The following KMT5B variants were observed in gnomAD, a reference collection of about 807,000 sequenced individuals.
KMT5B encodes histone-lysine N-methyltransferase KMT5B.
A neutral mutation model predicts 83.2 loss-of-function variants in KMT5B; 10 were observed. That is an observed-to-expected ratio of 0.12 (90% confidence interval 0.07 to 0.20). The LOEUF (loss-of-function observed/expected upper bound fraction) is 0.20, where lower values mean the gene tolerates loss of function less well. KMT5B is among the 10% of genes least tolerant of loss of function. KMT5B has a pLI of 1.00. For missense variants in KMT5B, 753 were observed against 1,067.2 expected, an observed-to-expected ratio of 0.71 and a Z score of 4.10; for synonymous variants, 349 against 388.8, an observed-to-expected ratio of 0.90 and a Z score of 1.20.
At chr11:68,176,556 C>A (rs574236975) in intron 4 of KMT5B, 1 of 152,032 alleles carries the variant, frequency 6.6e-6, no homozygotes, top group Admixed American at 6.5e-5. Flanking sequence ...GAGGTCGAGG[C>A]GGATGGATCA....
Position 68,166,716 on chromosome 11 carries a change from T to C in KMT5B, c.1174+266A>G, listed in dbSNP as rs937943645. On this transcript the variant is annotated intron_variant, in intron 10 of 10. Coordinates refer to ENST00000304363, the MANE Select transcript of KMT5B (RefSeq NM_017635.5). Reference sequence around the variant, plus strand: ...CCTTGAAAATGTTTAAAACATATGATGACCTTGGAACATATGATGAAGAAC... The same window carrying C: ...CCTTGAAAATGTTTAAAACATATGACGACCTTGGAACATATGATGAAGAAC... 7.0e-6 allele frequency: 9 copies of C among 1,286,778 alleles called. No individual in the cohort carries two copies. In the African/African-American group the frequency reaches 7.4e-5, roughly 11 times the overall value. 79.7% of individuals were successfully genotyped at this position (1,286,778 alleles called of 1,614,324 possible).
At position 68,158,167 on chromosome 11, in the gene KMT5B, T is replaced by A; in HGVS notation, c.2179A>T (p.Ser727Cys). The A allele has an allele frequency of 1.2e-6, 2 of 1,614,208 alleles. No individual in the cohort carries two copies. The highest frequency in any genetic ancestry group is 8.5e-7 in the Non-Finnish European group (1 of 1,180,046). ...TTCTCTTGGTCATTTGTTTTGCTGCTGCTATCATGACGCCTACGAAGAGTC... is the reference window on the plus strand; with the variant it reads ...TTCTCTTGGTCATTTGTTTTGCTGCAGCTATCATGACGCCTACGAAGAGTC... ...KLTLRRRHDS[S>C]SKTNDQENDG... The change falls in exon 11 of 11, where the codon AGC (serine) becomes TGC (cysteine). Residue 727 changes from serine (S) to cysteine (C), a missense_variant. Physicochemically the swap from Ser to Cys is moderately radical, Grantham distance 112 (BLOSUM62 -1). Coordinates refer to ENST00000304363, the MANE Select transcript of KMT5B (RefSeq NM_017635.5).
intron 1 of KMT5B, among the ~76,000 whole-genome samples, chr11:68,198,349 A>C (rs1466103163): frequency 6.6e-6 from 1 of 152,088 alleles, no homozygotes; most frequent in African/African-American, 2.4e-5. Flanking sequence ...GTGCCACTGC[A>C]CTCCATCCAG....
chr11:68,192,694 G>C (rs1858227462), intron 1 of KMT5B, among the ~76,000 whole-genome samples: 1 of 152,202 alleles, frequency 6.6e-6, no homozygotes, highest in African/African-American at 2.4e-5. Context: ...CCTAACTGTT[G>C]TGCTGGCTAC....
At chr11:68,181,081 T>C (rs1276580274) in intron 3 of KMT5B, among the ~76,000 whole-genome samples, 2 of 151,538 alleles carry the variant, frequency 1.3e-5, no homozygotes, top group Admixed American at 6.6e-5. Flanking sequence ...TTTTCTTTTT[T>C]TTTTTTTTTT....
chr11:68,183,210 TAACTC>T (rs1302787866), intron 3 of KMT5B, among the ~76,000 whole-genome samples: 1 of 143,820 alleles, frequency 7.0e-6, no homozygotes, highest in African/African-American at 2.6e-5. Context: ...TCACATTTCT[TAACTC>T]AAAAAAAAAA....
chr11:68,181,232 G>A (rs2153062653), intron 3 of KMT5B, among the ~76,000 whole-genome samples: 1 of 152,072 alleles, frequency 6.6e-6, no homozygotes, highest in African/African-American at 2.4e-5. Flanking sequence ...GCACCACCAT[G>A]CCTGGCTAAT....
In KMT5B at chr11:68,162,384, C is replaced by CT. The variant is rs576929689; in HGVS notation, c.1175-3214dup. ...GAAAAGCTTTGACTCAAACTCCCCT[C>CT]TGTCTATAGAGCTGTCTGAAAGGCC... On this transcript the variant is annotated intron_variant, in intron 10 of 10. Transcript: ENST00000304363. 3.1e-4 allele frequency among the ~76,000 whole-genome samples: 47 copies of CT among 152,324 alleles called. No individual in the cohort carries two copies. In the South Asian group the frequency reaches 9.7e-3, roughly 32 times the overall value.
rs368394871 is a variant in KMT5B at position 68,158,461 on chromosome 11, A to G, written c.1885T>C (p.Ser629Pro). Residue 629 changes from serine to proline, a missense_variant, in exon 11 of 11, where the codon TCT becomes CCT. Coordinates refer to ENST00000304363, the MANE Select transcript of KMT5B (RefSeq NM_017635.5). ...LVKQFAKIEE[S>P]TPVHDSPGKD... ...CCAGGAGAATCGTGCACTGGAGTAG[A>G]TTCCTCTATTTTTGCAAACTGTTTC... is the stretch of plus-strand genomic sequence containing the variant. 8.7e-6 allele frequency: 14 copies of G among 1,613,836 alleles called. No individual in the cohort carries two copies. The African/African-American group carries it at 1.7e-4, about 20-fold the overall frequency.
intron 1 of KMT5B, among the ~76,000 whole-genome samples, chr11:68,198,571 C>T (rs2153081269): frequency 6.6e-6 from 1 of 152,324 alleles, no homozygotes; most frequent in African/African-American, 2.4e-5. Flanking sequence ...CACAAGGGTG[C>T]AGACTCCCAT....
At chr11:68,180,848 T>A (rs1217304306) in intron 3 of KMT5B, among the ~76,000 whole-genome samples, 1 of 152,216 alleles carries the variant, frequency 6.6e-6, no homozygotes, top group Non-Finnish European at 1.5e-5. Flanking sequence ...TCTTTTTTTC[T>A]TGTTAAAAAG....
chr11:68,185,986 T>A, intron 2 of KMT5B, 58 bp from the exon 3 acceptor site: 1 of 1,490,074 alleles, frequency 6.7e-7, no homozygotes, highest in Non-Finnish European at 9.1e-7. Context: ...AAATCTGCCT[T>A]AAAATCTTTA....
chr11:68,188,583 C>T (rs1041781129), intron 2 of KMT5B, among the ~76,000 whole-genome samples: 1 of 151,984 alleles, frequency 6.6e-6, no homozygotes, highest in Non-Finnish European at 1.5e-5. Context: ...GTCTCAAACT[C>T]CTGGACTTAA....
chr11:68,160,318 T>C (rs564409240), intron 10 of KMT5B, among the ~76,000 whole-genome samples: 97 of 152,352 alleles, frequency 6.4e-4, no homozygotes, highest in African/African-American at 2.3e-3. Context: ...TTCCTCTGTA[T>C]TGACATTCCA....
At chr11:68,161,833 G>A (rs1479952764) in intron 10 of KMT5B, among the ~76,000 whole-genome samples, 5 of 152,038 alleles carry the variant, frequency 3.3e-5, no homozygotes, top group African/African-American at 7.2e-5. Context: ...ATTCTCGCAC[G>A]GCTATTACCA....
chr11:68,166,055 CA>C, intron 10 of KMT5B: 1 of 1,567,666 alleles, frequency 6.4e-7, no homozygotes, highest in South Asian at 1.2e-5. Flanking sequence ...CAAGAAGTCT[CA>C]CTGGACATTT....
At position 68,207,862 on chromosome 11, in the gene KMT5B, C is replaced by T. The variant is rs149338643; in HGVS notation, c.-77+5276G>A. 4.2e-4 allele frequency among the ~76,000 whole-genome samples: 63 copies of T among 149,050 alleles called. 1 individual carries two copies. The East Asian group carries it at 9.5e-3, about 23-fold the overall frequency. On this transcript the variant is annotated intron_variant, in intron 1 of 10. Transcript: ENST00000304363. ...CAAACAAATTTTTTATTTTTTTAGA[C>T]GCTGTCTCGCTCTATTGCCCAGGCT... is the stretch of plus-strand genomic sequence containing the variant.
chr11:68,189,371 G>T (rs1565244928), intron 2 of KMT5B, among the ~76,000 whole-genome samples: 1 of 152,142 alleles, frequency 6.6e-6, no homozygotes, highest in African/African-American at 2.4e-5. Context: ...AGGAAATAAA[G>T]TAACTTATCA....
chr11:68,204,969 A>G (rs1859905931), intron 1 of KMT5B, among the ~76,000 whole-genome samples: 2 of 152,186 alleles, frequency 1.3e-5, no homozygotes, highest in South Asian at 2.1e-4. Flanking sequence ...CAGTGACCAC[A>G]TAACAGAGAT....
Sources: allele counts gnomAD v4.1 joint callset (sites outside exome capture counted in the v4.1 genomes callset), GRCh38; gene constraint gnomAD v4.1.1; transcripts MANE v1.5; gene names NCBI Gene and HGNC (gene_info 2026-07-23, HGNC 2026-07-21).